Variants in PER2 observed in about 807,000 individuals in gnomAD.
PER2 encodes the protein period circadian regulator 2.
PER2 carries 66 observed loss-of-function variants against 121.0 expected under a neutral mutation model. The ratio of observed to expected loss-of-function variants is 0.55; its 90% CI spans 0.45 to 0.67. The LOEUF is 0.67. PER2 is among the 30% of genes least tolerant of loss of function. The probability of loss-of-function intolerance (pLI) is 0.00; values close to 1 mark genes in which losing one functional copy is unlikely to be tolerated. For synonymous variants in PER2, 684 were observed against 659.9 expected (o/e 1.04, Z -0.56); for missense variants, 1,521 against 1,635.0 (o/e 0.93, Z 1.20).
chr2:238,246,468 T>C lies in PER2; in HGVS notation c.3675A>G (p.Glu1225=). The C allele has an allele frequency of 6.3e-7, 1 of 1,595,346 alleles. No individual in the cohort carries two copies. The highest frequency in any genetic ancestry group is 8.6e-7 in the Non-Finnish European group (1 of 1,162,918). The part of the protein sequence containing the change: ...EKGNICIPYE[E]DIPSLGLSEV... ...CGCTGAGTCCCAGAGAAGGAATATC[T>C]TCCTCATATGGTATGCAAATATTAC... is the stretch of plus-strand genomic sequence containing the variant. Residue 1225 remains glutamate (E), a synonymous_variant, in exon 23 of 23, where the codon GAA becomes GAG. Transcript: ENST00000254657.
At chr2:238,278,092 C>CTGTCTCTG (rs1292741000) in intron 1 of PER2, 137 bp from the exon 2 acceptor site, 1 of 968,736 alleles carries the variant, frequency 1.0e-6, no homozygotes, top group African/African-American at 1.6e-5. Context: ...CTCTGTCTCT[C>CTGTCTCTG]TCTCTCTCTC....
chr2:238,277,620 G>C (rs1696493565), intron 2 of PER2, 87 bp downstream of exon 2: 1 of 1,448,956 alleles, frequency 6.9e-7, no homozygotes, highest in East Asian at 2.3e-5. Context: ...ATGATTTAAA[G>C]ATTGCAAAAG....
chr2:238,295,824 AG>A, the PER2 span: 1 of 172,872 alleles, frequency 5.8e-6, no homozygotes, highest in Non-Finnish European at 1.2e-5. Context: ...TGCTACAGGG[AG>A]GAAGCCATGT....
At chr2:238,285,454 G>C (rs74643746) in intron 1 of PER2, among the ~76,000 whole-genome samples, 9,561 of 152,248 alleles carry the variant, frequency 0.063, 426 homozygotes, top group Admixed American at 0.14. Flanking sequence ...TTCCATAATA[G>C]TGTTTAAAAA....
chr2:238,248,656 A>ATTT (rs11455419), intron 22 of PER2, among the ~76,000 whole-genome samples: 5 of 140,274 alleles, frequency 3.6e-5, no homozygotes, highest in South Asian at 2.3e-4. Flanking sequence ...AATTTTAGAA[A>ATTT]TTTTTTTTTT....
intron 1 of PER2, among the ~76,000 whole-genome samples, chr2:238,280,390 C>T (rs1696594489): frequency 6.6e-6 from 1 of 152,156 alleles, no homozygotes; most frequent in African/African-American, 2.4e-5. Flanking sequence ...CAGAAGAAAG[C>T]CAACACGGGG....
rs1695624365 is a variant in PER2 at position 238,252,193 on chromosome 2, C to T, written c.3112-432G>A. ...CCCTGACCCTCCTCTCCTTGGAAAC[C>T]CAGACTGCAGGCCCAGGACTCCAGA... On this transcript the variant is annotated intron_variant, in intron 19 of 22. Coordinates refer to ENST00000254657, the MANE Select transcript of PER2 (RefSeq NM_022817.3). This position sits in a 1 kb window ranked among gnomAD's most constrained non-coding sequence, Gnocchi z 4.2. Among the ~76,000 whole-genome samples, 1 of 152,132 alleles carries T rather than the reference C, an allele frequency of 6.6e-6. No individual in the cohort carries two copies. The highest frequency in any genetic ancestry group is 2.1e-4 in the South Asian group (1 of 4,830).
Position 238,255,776 on chromosome 2 carries a change from G to A in PER2, c.2201C>T (p.Thr734Ile). The A allele has an allele frequency of 6.2e-7, 1 of 1,614,210 alleles. No homozygotes were observed. Among genetic ancestry groups the A allele is most frequent in the Non-Finnish European group, 8.5e-7 (1 of 1,180,036 alleles). ...GLTKEVLAAHTQKEEQSFLQK... is the reference protein window; with the variant it reads ...GLTKEVLAAHIQKEEQSFLQK... Reference sequence around the variant, plus strand: ...CAGGAAGCTCTGCTCCTCCTTCTGTGTGTGTGCAGCGAGTACCTCCTTGGT... The same window carrying A: ...CAGGAAGCTCTGCTCCTCCTTCTGTATGTGTGCAGCGAGTACCTCCTTGGT... Residue 734 changes from threonine (T) to isoleucine (I), a missense_variant, in exon 18 of 23, where the codon ACA becomes ATA. Thr to Ile is a moderately conservative substitution (Grantham distance 89). Transcript: ENST00000254657.
chr2:238,249,158 T>C lies in PER2; in HGVS notation c.3522A>G (p.Lys1174=). The C allele has an allele frequency of 6.2e-7, 1 of 1,613,936 alleles. No individual in the cohort carries two copies. The highest frequency in any genetic ancestry group is 8.5e-7 in the Non-Finnish European group (1 of 1,179,836). ...EDREKLKLLQ[K]LQPRFTESQK... ...GACTCTCCGTGAACCTGGGCTGGAG[T>C]TTCTGTAGGAGCTTCAGCTTCTCTC... Residue 1174 remains lysine, a synonymous_variant, in exon 22 of 23, where the codon AAA becomes AAG. Coordinates refer to ENST00000254657, the MANE Select transcript of PER2 (RefSeq NM_022817.3).
chr2:238,269,494 T>C (rs1432787387), intron 6 of PER2, among the ~76,000 whole-genome samples: 2 of 124,366 alleles, frequency 1.6e-5, no homozygotes, highest in East Asian at 2.4e-4. Context: ...GGTGCACTGC[T>C]GCAAACACAC....
At chr2:238,298,192 G>A in the PER2 span, among the ~76,000 whole-genome samples, 3 of 151,896 alleles carry the variant, frequency 2.0e-5, no homozygotes, top group Admixed American at 1.3e-4. Context: ...CCGCCACCAC[G>A]CCCGGCTAAT....
rs1559330988 is a variant in PER2, at chr2:238,268,073, ACT to A, written c.948_949del (p.Arg316SerfsTer6). ...GCTGTTACCTTCATAACCAGAGTGC[ACT>A]CTCTCTGCCAGCAGAAGGCAGCAAA... is the stretch of plus-strand genomic sequence containing the variant. On this transcript the variant is annotated frameshift_variant, in exon 8 of 23. Coordinates refer to ENST00000254657, the MANE Select transcript of PER2 (RefSeq NM_022817.3). LOFTEE classifies it high-confidence loss of function. The surrounding 1 kb of genome is among the most constrained non-coding windows in gnomAD (Gnocchi z 4.0). 1.2e-6 allele frequency: 2 copies of A among 1,613,626 alleles called. No individual in the cohort carries two copies. Among genetic ancestry groups the A allele is most frequent in the Non-Finnish European group, 8.5e-7 (1 of 1,179,928 alleles).
Position 238,268,119 on chromosome 2 carries a change from G to A in PER2, c.904C>T (p.Gln302Ter). ...CAGCAAAGCTGACTCTCAGCACCTTGTTGGTCCCGCACCTTGACCAGGTAG... is the reference window on the plus strand; with the variant it reads ...CAGCAAAGCTGACTCTCAGCACCTTATTGGTCCCGCACCTTGACCAGGTAG... The part of the protein sequence containing the change: ...TPYLVKVRDQ[Q>*]GAESQLCCLL... Residue 302 changes from glutamine to a stop codon, truncating the protein, a stop_gained, in exon 8 of 23, where the codon CAA becomes TAA. Transcript: ENST00000254657. LOFTEE classifies it high-confidence loss of function. This position sits in a 1 kb window ranked among gnomAD's most constrained non-coding sequence, Gnocchi z 4.0. 6.2e-7 allele frequency: 1 copy of A among 1,614,126 alleles called. No homozygotes were observed. Among genetic ancestry groups the A allele is most frequent in the South Asian group, 1.1e-5 (1 of 91,092 alleles).
chr2:238,248,950 C>A (rs543705267), intron 22 of PER2, 112 bp downstream of exon 22: 1 of 1,223,804 alleles, frequency 8.2e-7, no homozygotes, highest in African/African-American at 1.5e-5. Flanking sequence ...CCACCGCGCC[C>A]GGCCTAATTT....
At chr2:238,262,168 C>T in intron 11 of PER2, 23 bp downstream of exon 11, 2 of 1,612,142 alleles carry the variant, frequency 1.2e-6, no homozygotes, top group Non-Finnish European at 1.7e-6. Flanking sequence ...CCCTGAGCCA[C>T]CTCGGGCCCT....
At chr2:238,289,462 G>A (rs1057416429), upstream of PER2, 2 of 152,214 alleles carry the variant, frequency 1.3e-5, no homozygotes, top group African/African-American at 4.8e-5. Flanking sequence ...TTGAGACCAC[G>A]TGTTGCAATT....
At position 238,252,367 on chromosome 2, in the gene PER2, A is replaced by G. The variant is rs538050050; in HGVS notation, c.3111+545T>C. ...TGCACTGCTGCTGGCGTTCCCACAC[A>G]CTTGAGCTCGTTCAGAAACACAAGC... On this transcript the variant is annotated intron_variant, in intron 19 of 22. Coordinates refer to ENST00000254657, the MANE Select transcript of PER2 (RefSeq NM_022817.3). This position sits in a 1 kb window ranked among gnomAD's most constrained non-coding sequence, Gnocchi z 4.2. Among the ~76,000 whole-genome samples the G allele has an allele frequency of 6.6e-6, 1 of 152,358 alleles. No homozygotes were observed. Among genetic ancestry groups the G allele is most frequent in the East Asian group, 1.9e-4 (1 of 5,190 alleles).
At position 238,277,898 on chromosome 2, in the gene PER2, G is replaced by C; in HGVS notation, c.39C>G (p.Asn13Lys). 6.2e-7 allele frequency: 1 copy of C among 1,614,068 alleles called. No individual in the cohort carries two copies. Among genetic ancestry groups the C allele is most frequent in the South Asian group, 1.1e-5 (1 of 91,078 alleles). Reference sequence around the variant, plus strand: ...GGGGCTCCACGGGCTCCTTGGTGGGGTTACTGGGGCTGGGCGGAAATTCCG... The same window carrying C: ...GGGGCTCCACGGGCTCCTTGGTGGGCTTACTGGGGCTGGGCGGAAATTCCG... ...GYAEFPPSPS[N>K]PTKEPVEPQP... The change falls in exon 2 of 23, where the codon AAC becomes AAG. Residue 13 changes from asparagine (N) to lysine (K), a missense_variant. Asn to Lys is a moderately conservative substitution (Grantham distance 94). Transcript: ENST00000254657.
At chr2:238,298,463 A>G in the PER2 span, 1 of 152,174 alleles carries the variant, frequency 6.6e-6, no homozygotes, top group Non-Finnish European at 1.5e-5. Context: ...CTATCTTCCC[A>G]CCTGTTTCAG....
Sources: gnomAD v4.1 joint callset for allele counts (sites outside exome capture counted in the v4.1 genomes callset) on GRCh38, gnomAD v4.1.1 for gene constraint, Gnocchi (gnomAD v3.1) non-coding constraint, MANE v1.5 for transcripts, NCBI Gene and HGNC (gene_info 2026-07-23, HGNC 2026-07-21) for gene names.